GNA14: variants seen among roughly 807,000 people sequenced by gnomAD.
The protein encoded by GNA14 is G protein subunit alpha 14.
GNA14 carries 50 observed loss-of-function variants against 42.0 expected under a neutral mutation model. The observed-to-expected ratio is 1.19, with a 90% confidence interval of 0.95 to 1.51. The LOEUF is 1.51. Among genes scored for constraint, GNA14 ranks in the 40% most tolerant of loss-of-function variants. The pLI is 0.00. For synonymous variants in GNA14, 173 were observed against 163.1 expected (o/e 1.06, Z -0.46); for missense variants, 473 against 446.2 (o/e 1.06, Z -0.54).
chr9:77,499,666 C>T (rs778156284), intron 2 of GNA14, among the ~76,000 whole-genome samples: 4 of 152,002 alleles, frequency 2.6e-5, no homozygotes, highest in Non-Finnish European at 5.9e-5. Flanking sequence ...GCCTGGCCAA[C>T]ATGGGAAACC....
chr9:77,567,453 A>C (rs914061898), intron 1 of GNA14, among the ~76,000 whole-genome samples: 1 of 152,240 alleles, frequency 6.6e-6, no homozygotes, highest in Non-Finnish European at 1.5e-5. Context: ...ATTCATTCTC[A>C]GTATGCAGTA....
intron 2 of GNA14, among the ~76,000 whole-genome samples, chr9:77,442,960 G>C (rs140651394): frequency 1.3e-5 from 2 of 152,352 alleles, no homozygotes; most frequent in African/African-American, 4.8e-5. Flanking sequence ...GCTAGAGCTA[G>C]AAGAGAGGGA....
intron 4 of GNA14, 110 bp downstream of exon 4, chr9:77,431,211 T>C: frequency 1.0e-6 from 1 of 978,216 alleles, no homozygotes; most frequent in Admixed American, 2.2e-5. Flanking sequence ...AGAGGGTCAC[T>C]CTGTCCTAAG....
chr9:77,566,526 C>T (rs770173344), intron 1 of GNA14, among the ~76,000 whole-genome samples: 13 of 152,120 alleles, frequency 8.5e-5, no homozygotes, highest in Non-Finnish European at 1.3e-4. Context: ...TACACAACAC[C>T]AAACTGCCCT....
intron 4 of GNA14, among the ~76,000 whole-genome samples, chr9:77,430,332 C>T (rs1428780602): frequency 6.6e-6 from 1 of 152,180 alleles, no homozygotes; most frequent in Non-Finnish European, 1.5e-5. Context: ...ACCCATTCAT[C>T]GCAGTCCAAG....
chr9:77,604,568 T>A (rs368312014), intron 1 of GNA14, among the ~76,000 whole-genome samples: 3 of 152,288 alleles, frequency 2.0e-5, no homozygotes, highest in African/African-American at 7.2e-5. Context: ...TAAATTCCTC[T>A]GGCTGGCTTC....
chr9:77,479,368 T>C (rs1448517916), intron 2 of GNA14, among the ~76,000 whole-genome samples: 1 of 152,198 alleles, frequency 6.6e-6, no homozygotes, highest in Non-Finnish European at 1.5e-5. Flanking sequence ...CTCTGTTCTG[T>C]TCCATTGATC....
chr9:77,506,151 G>A (rs1225108238), intron 2 of GNA14, among the ~76,000 whole-genome samples: 2 of 151,720 alleles, frequency 1.3e-5, no homozygotes, highest in African/African-American at 2.4e-5. Context: ...GCATGGTGGT[G>A]CATGCCTGTA....
rs189192806 is a variant in GNA14 at position 77,556,228 on chromosome 9, T to G, written c.125-26975A>C. ...CATTGCACTACAGTCTGGGCGACAATGTGAGACTCCATTTCAAATAATAAA... is the reference window on the plus strand; with the variant it reads ...CATTGCACTACAGTCTGGGCGACAAGGTGAGACTCCATTTCAAATAATAAA... On this transcript the variant is annotated intron_variant, in intron 1 of 6. Transcript: ENST00000341700. Among the ~76,000 whole-genome samples the G allele has an allele frequency of 2.1e-4, 32 of 152,210 alleles. No homozygotes were observed. The East Asian group carries it at 6.2e-3, about 30-fold the overall frequency.
chr9:77,621,389 C>T (rs1355178794), intron 1 of GNA14, among the ~76,000 whole-genome samples: 1 of 152,176 alleles, frequency 6.6e-6, no homozygotes, highest in Non-Finnish European at 1.5e-5. Flanking sequence ...ATAACAAATT[C>T]AAATGGCCAT....
intron 2 of GNA14, among the ~76,000 whole-genome samples, chr9:77,464,362 T>A (rs1013303052): frequency 1.0e-4 from 15 of 146,190 alleles, no homozygotes; most frequent in African/African-American, 3.5e-4. Context: ...TGTGTGTGTG[T>A]GTGTGTGTGT....
intron 2 of GNA14, among the ~76,000 whole-genome samples, chr9:77,503,182 T>A (rs543103716): frequency 6.6e-6 from 1 of 152,336 alleles, no homozygotes; most frequent in South Asian, 2.1e-4. Context: ...CTACTCTATG[T>A]TTCCAGAAAT....
chr9:77,610,791 T>C (rs374418535), intron 1 of GNA14, among the ~76,000 whole-genome samples: 2 of 152,164 alleles, frequency 1.3e-5, no homozygotes, highest in African/African-American at 4.8e-5. Flanking sequence ...AAGAATCACC[T>C]ATTGCAAATA....
intron 2 of GNA14, among the ~76,000 whole-genome samples, chr9:77,510,825 T>C (rs1229336335): frequency 6.6e-6 from 1 of 152,096 alleles, no homozygotes. Flanking sequence ...TTGGAAAGTT[T>C]CCATGCAGAG....
At position 77,551,403 on chromosome 9, in the gene GNA14, C is replaced by T. The variant is rs116536257; in HGVS notation, c.125-22150G>A. ...ACTGGCATAAACTCATCCCCATCCA[C>T]GCCAGCCTGCCCCTTGGCCACCATG... On this transcript the variant is annotated intron_variant, in intron 1 of 6. Coordinates refer to ENST00000341700, the MANE Select transcript of GNA14 (RefSeq NM_004297.4). 4.2e-3 allele frequency among the ~76,000 whole-genome samples: 646 copies of T among 152,290 alleles called. 6 individuals carry two copies. The highest frequency in any genetic ancestry group is 0.017 in the South Asian group (80 of 4,824).
intron 1 of GNA14, among the ~76,000 whole-genome samples, chr9:77,537,534 G>T (rs1178100323): frequency 6.6e-6 from 1 of 152,188 alleles, no homozygotes; most frequent in Non-Finnish European, 1.5e-5. Context: ...ATAGGGCTGT[G>T]ATAAACATGC....
chr9:77,624,720 G>A (rs779939881), intron 1 of GNA14, among the ~76,000 whole-genome samples: 1 of 152,120 alleles, frequency 6.6e-6, no homozygotes, highest in East Asian at 1.9e-4. Context: ...GAAAGGAATA[G>A]CATGTCCACT....
At chr9:77,498,373 C>CAAAAAAAAAAAAAA (rs766816001) in intron 2 of GNA14, among the ~76,000 whole-genome samples, 30 of 53,988 alleles carry the variant, frequency 5.6e-4, no homozygotes, top group South Asian at 9.6e-4. Flanking sequence ...AAGTCTGTCT[C>CAAAAAAAAAAAAAA]AAAAAAAAAA....
At chr9:77,597,429 A>C (rs1823484170) in intron 1 of GNA14, among the ~76,000 whole-genome samples, 2 of 152,176 alleles carry the variant, frequency 1.3e-5, no homozygotes, top group Admixed American at 1.3e-4. Context: ...ATAACGTTAA[A>C]GACAAAACTG....
Sources: gnomAD v4.1 joint callset for allele counts (sites outside exome capture counted in the v4.1 genomes callset) on GRCh38, gnomAD v4.1.1 for gene constraint, MANE v1.5 for transcripts, NCBI Gene and HGNC (gene_info 2026-07-23, HGNC 2026-07-21) for gene names.